AFM: variants seen among roughly 807,000 people sequenced by gnomAD.
AFM encodes the protein alpha-Alb.
Under a neutral mutation model 68.7 loss-of-function variants are expected in AFM, and 82 were observed. That is an observed-to-expected ratio of 1.19 (90% confidence interval 1.00 to 1.43). AFM has a LOEUF of 1.43. Ranked by LOEUF, AFM falls within the 40% of genes most tolerant of loss-of-function variation. AFM has a pLI of 0.00. For missense variants in AFM, 772 were observed against 701.8 expected, an observed-to-expected ratio of 1.10 and a Z score of -1.13; for synonymous variants, 250 against 234.2, an observed-to-expected ratio of 1.07 and a Z score of -0.61.
Position 73,487,823 on chromosome 4 carries a change from T to A in AFM, c.713+2T>A. ...TGGAACCAAAGTTGTACACTTTATGTGAGTTTTATACTATATGTCTTGTCT... is the reference window on the plus strand; with the variant it reads ...TGGAACCAAAGTTGTACACTTTATGAGAGTTTTATACTATATGTCTTGTCT... On this transcript the variant is annotated splice_donor_variant, in intron 6 of 14. Coordinates refer to ENST00000226355, the MANE Select transcript of AFM (RefSeq NM_001133.2). LOFTEE classifies it high-confidence loss of function. The A allele has an allele frequency of 5.1e-6, 8 of 1,574,646 alleles. No individual in the cohort carries two copies. The highest frequency in any genetic ancestry group is 6.1e-6 in the Non-Finnish European group (7 of 1,144,596).
At chr4:73,501,209 A>G (rs1721413309) in intron 12 of AFM, among the ~76,000 whole-genome samples, 1 of 152,070 alleles carries the variant, frequency 6.6e-6, no homozygotes, top group African/African-American at 2.4e-5. Flanking sequence ...TGTCACACTT[A>G]ATTGTGATAG....
chr4:73,486,064 T>C lies in AFM; in HGVS notation c.473T>C (p.Leu158Pro). The C allele has an allele frequency of 6.2e-7, 1 of 1,612,710 alleles. No individual in the cohort carries two copies. Among genetic ancestry groups the C allele is most frequent in the Non-Finnish European group, 8.5e-7 (1 of 1,178,830 alleles). ...GCTTATGAAAGTAACAGAGAATCCC[T>C]TTTAAATCAGTAAGTTTAATCTTAG... Reference protein sequence around the residue: ...CQAYESNRESLLNHFLYEVAR... With the variant: ...CQAYESNRESPLNHFLYEVAR... The change falls in exon 4 of 15, where the codon CTT becomes CCT. Residue 158 changes from leucine to proline, a missense_variant. Leu to Pro is a moderately conservative substitution (Grantham distance 98). Transcript: ENST00000226355.
chr4:73,485,052 G>T (rs1720852841), intron 3 of AFM, among the ~76,000 whole-genome samples: 1 of 152,162 alleles, frequency 6.6e-6, no homozygotes, highest in Non-Finnish European at 1.5e-5. Flanking sequence ...TATACAGTAT[G>T]CCCTATATGT....
rs58464830 is a variant in AFM, at chr4:73,495,510, G to A, written c.1191+78G>A. 1.1e-3 allele frequency: 1,685 copies of A among 1,549,096 alleles called. 18 individuals are homozygous for A. In the African/African-American group the frequency reaches 0.02, roughly 18 times the overall value. On this transcript the variant is annotated intron_variant, in intron 9 of 14. Transcript: ENST00000226355. The stretch of plus-strand genomic sequence containing the variant: ...ACTTAAAAATTGATATCAGAGTTTT[G>A]CTGCAGTCTGGGGGTAGAAAATGTG...
rs1205105783 is a variant in AFM at position 73,485,285 on chromosome 4, A to G, written c.271-577A>G. Among the ~76,000 whole-genome samples, 3 of 152,188 alleles carry G rather than the reference A, an allele frequency of 2.0e-5. No homozygotes were observed. The East Asian group carries it at 5.8e-4, about 29-fold the overall frequency. On this transcript the variant is annotated intron_variant, in intron 3 of 14. Coordinates refer to ENST00000226355, the MANE Select transcript of AFM (RefSeq NM_001133.2). ...CATGTCATCACCTTGGGAGGTGAGT[A>G]GAAAAGCCTGGTGGAAGGGAAATGT...
chr4:73,499,268 G>C (rs1375708946), intron 11 of AFM, 22 bp downstream of exon 11: 11 of 1,497,732 alleles, frequency 7.3e-6, no homozygotes, highest in Non-Finnish European at 9.8e-6. Flanking sequence ...CTGTGTACCA[G>C]ACTACTCTTT....
chr4:73,495,528 A>G, intron 9 of AFM, 96 bp downstream of exon 9: 1 of 1,473,354 alleles, frequency 6.8e-7, no homozygotes, highest in Non-Finnish European at 9.2e-7. Context: ...CTGGGGGTAG[A>G]AAATGTGATT....
intron 8 of AFM, among the ~76,000 whole-genome samples, chr4:73,494,130 G>A (rs1295184390): frequency 6.6e-6 from 1 of 151,760 alleles, no homozygotes; most frequent in African/African-American, 2.4e-5. Flanking sequence ...GCTTACATCA[G>A]ATATTAAGAG....
chr4:73,487,035 A>C lies in AFM; in HGVS notation c.551A>C (p.His184Pro). 1 of 1,613,990 alleles carries C rather than the reference A, an allele frequency of 6.2e-7. No individual in the cohort carries two copies. Among genetic ancestry groups the C allele is most frequent in the Non-Finnish European group, 8.5e-7 (1 of 1,179,982 alleles). ...CCTACACTTCTAACTGTTGCTGTTC[A>C]TTTTGAGGAGGTGGCCAAATCATGT... ...FAPTLLTVAV[H>P]FEEVAKSCCE... The change falls in exon 5 of 15, where the codon CAT (histidine) becomes CCT (proline). Residue 184 changes from histidine (H) to proline (P), a missense_variant. Coordinates refer to ENST00000226355, the MANE Select transcript of AFM (RefSeq NM_001133.2).
chr4:73,488,887 A>G, intron 7 of AFM, 128 bp downstream of exon 7: 1 of 910,598 alleles, frequency 1.1e-6, no homozygotes, highest in Non-Finnish European at 1.6e-6. Flanking sequence ...CTTTTGAATG[A>G]AAGCATAAAA....
chr4:73,486,891 C>CCTTCT, intron 4 of AFM, 76 bp from the exon 5 acceptor site: 1 of 1,445,982 alleles, frequency 6.9e-7, no homozygotes, highest in South Asian at 1.3e-5. Context: ...CCTTCCCTTC[C>CCTTCT]CTTCCCTTGT....
chr4:73,503,164 T>G (rs1721464996), intron 14 of AFM, 54 bp downstream of exon 14: 2 of 1,366,124 alleles, frequency 1.5e-6, no homozygotes. Context: ...TTATCTGATC[T>G]CCTTGCCTTT....
At position 73,495,361 on chromosome 4, in the gene AFM, G is replaced by C. The variant is rs1721225922; in HGVS notation, c.1120G>C (p.Val374Leu). ...DLSIPELLRIVQIYKDLLRNC... is the reference protein window; with the variant it reads ...DLSIPELLRILQIYKDLLRNC... ...GTCTATACCAGAGCTTTTAAGAATT[G>C]TTCAAATATACAAAGATCTCCTGAG... The change falls in exon 9 of 15, where the codon GTT becomes CTT. Residue 374 changes from valine (V) to leucine (L), a missense_variant. Val to Leu is a conservative substitution (Grantham distance 32, BLOSUM62 1). Transcript: ENST00000226355. 3.1e-6 allele frequency: 5 copies of C among 1,613,144 alleles called. No homozygotes were observed. In the East Asian group the frequency reaches 1.1e-4, roughly 36 times the overall value.
At chr4:73,484,939 A>G (rs1006114918) in intron 3 of AFM, among the ~76,000 whole-genome samples, 2 of 152,152 alleles carry the variant, frequency 1.3e-5, no homozygotes, top group Non-Finnish European at 2.9e-5. Context: ...CAGCATTTTC[A>G]TTTTGCTTAA....
chr4:73,482,432 T>A (rs1720741266), intron 1 of AFM, among the ~76,000 whole-genome samples: 1 of 152,202 alleles, frequency 6.6e-6, no homozygotes, highest in South Asian at 2.1e-4. Flanking sequence ...TTTCTAATCC[T>A]TTTTGGCCTA....
intron 7 of AFM, among the ~76,000 whole-genome samples, chr4:73,490,280 T>C (rs543230736): frequency 6.6e-6 from 1 of 152,218 alleles, no homozygotes; most frequent in African/African-American, 2.4e-5. Flanking sequence ...TTTAGGGTAT[T>C]GAGAAATGTT....
chr4:73,486,934 C>A (rs1314908346), intron 4 of AFM, 33 bp from the exon 5 acceptor site: 1 of 1,598,990 alleles, frequency 6.3e-7, no homozygotes, highest in Admixed American at 1.7e-5. Flanking sequence ...CTTCCCTCAC[C>A]CGTCTTCTCT....
chr4:73,481,945 T>C, intron 1 of AFM, 82 bp downstream of exon 1: 2 of 1,009,904 alleles, frequency 2.0e-6, no homozygotes, highest in Non-Finnish European at 3.0e-6. Flanking sequence ...TCTTTCAAGT[T>C]AATTCTTTAC....
chr4:73,495,536 A>T, intron 9 of AFM, 104 bp downstream of exon 9: 3 of 1,437,204 alleles, frequency 2.1e-6, no homozygotes, highest in Non-Finnish European at 2.8e-6. Flanking sequence ...AGAAAATGTG[A>T]TTGGCTAATC....
Sources: allele counts gnomAD v4.1 joint callset (sites outside exome capture counted in the v4.1 genomes callset), GRCh38; gene constraint gnomAD v4.1.1; transcripts MANE v1.5; gene names NCBI Gene and HGNC (gene_info 2026-07-23, HGNC 2026-07-21).